The following PHF24 variants were observed in gnomAD, a reference collection of about 807,000 sequenced individuals.
PHF24 encodes PHD finger protein 24, also known as Galpha inhibitory interacting protein.
PHF24 carries 25 observed loss-of-function variants against 42.6 expected under a neutral mutation model. The observed-to-expected ratio is 0.59, with a 90% CI of 0.43 to 0.82. The LOEUF is 0.82. Ranked by LOEUF, PHF24 falls within the 40% of genes least tolerant of loss-of-function variation. The pLI, the probability that PHF24 is intolerant of heterozygous loss-of-function variation, is 0.00. For synonymous variants in PHF24, 185 were observed against 204.8 expected, an observed-to-expected ratio of 0.90 and a Z score of 0.83; for missense variants, 470 against 538.1, an observed-to-expected ratio of 0.87 and a Z score of 1.25.
the PHF24 span, among the ~76,000 whole-genome samples, chr9:34,871,447 C>T: frequency 2.0e-5 from 3 of 152,082 alleles, no homozygotes; most frequent in Admixed American, 1.3e-4. Flanking sequence ...ATTTTAATGA[C>T]GTCCAGCTTA....
the PHF24 span, among the ~76,000 whole-genome samples, chr9:34,697,341 G>A: frequency 4.6e-5 from 7 of 151,930 alleles, no homozygotes; most frequent in South Asian, 1.5e-3. Context: ...TTTTTTTGAG[G>A]TGGAGTCTTG....
chr9:34,948,550 C>A, the PHF24 span, among the ~76,000 whole-genome samples: 1 of 152,036 alleles, frequency 6.6e-6, no homozygotes, highest in African/African-American at 2.4e-5. Flanking sequence ...ACACAAATAC[C>A]ATTGTGCTAC....
chr9:34,741,203 G>A, the PHF24 span, among the ~76,000 whole-genome samples: 1 of 149,656 alleles, frequency 6.7e-6, no homozygotes, highest in Non-Finnish European at 1.5e-5. Context: ...TCTCATTTTT[G>A]TAAAAAAAGT....
At chr9:34,714,484 T>A in the PHF24 span, among the ~76,000 whole-genome samples, 1 of 152,212 alleles carries the variant, frequency 6.6e-6, no homozygotes, top group African/African-American at 2.4e-5. Flanking sequence ...GGTGACTTTT[T>A]AAAAACAGAA....
the PHF24 span, among the ~76,000 whole-genome samples, chr9:34,912,960 A>G: frequency 6.6e-6 from 1 of 152,234 alleles, no homozygotes; most frequent in African/African-American, 2.4e-5. Flanking sequence ...TGAAATAAAT[A>G]GAAATATAGA....
the PHF24 span, chr9:34,723,828 G>C: frequency 2.6e-6 from 4 of 1,551,732 alleles, no homozygotes; most frequent in Non-Finnish European, 3.5e-6. Context: ...CTGTCTTGCA[G>C]GTCCTTCTCA....
At chr9:34,895,431 C>G in the PHF24 span, 1 of 397,084 alleles carries the variant, frequency 2.5e-6, no homozygotes, top group Non-Finnish European at 4.4e-6. Flanking sequence ...AGCTGCCAAC[C>G]AGAATAATCA....
At chr9:34,969,920 A>G (rs1286344150) in intron 1 of PHF24, among the ~76,000 whole-genome samples, 1 of 152,130 alleles carries the variant, frequency 6.6e-6, no homozygotes, top group Non-Finnish European at 1.5e-5. Context: ...GCATCCTTCA[A>G]GGTCCACTTT....
At chr9:34,706,381 C>T in the PHF24 span, among the ~76,000 whole-genome samples, 1 of 152,086 alleles carries the variant, frequency 6.6e-6, no homozygotes. Flanking sequence ...GAGGTATAGG[C>T]AAAGTACTTA....
chr9:34,690,087 G>A, the PHF24 span: 1 of 1,590,936 alleles, frequency 6.3e-7, no homozygotes, highest in Non-Finnish European at 8.6e-7. Flanking sequence ...CCATGTCTGG[G>A]AACCTGTTTC....
At chr9:34,759,770 C>T in the PHF24 span, among the ~76,000 whole-genome samples, 3 of 152,314 alleles carry the variant, frequency 2.0e-5, no homozygotes, top group South Asian at 6.2e-4. Context: ...AGCCACTGCC[C>T]TCCCACCAAA....
chr9:34,675,253 C>T, the PHF24 span, among the ~76,000 whole-genome samples: 2 of 152,036 alleles, frequency 1.3e-5, no homozygotes, highest in African/African-American at 4.8e-5. Context: ...AAAAGGGGCT[C>T]CTGGCCTGGA....
chr9:34,915,269 A>G, the PHF24 span, among the ~76,000 whole-genome samples: 1 of 151,932 alleles, frequency 6.6e-6, no homozygotes, highest in Non-Finnish European at 1.5e-5. Context: ...CATTAAGCAG[A>G]TATCATAGTT....
chr9:34,729,377 G>A, the PHF24 span: 1 of 1,551,648 alleles, frequency 6.4e-7, no homozygotes, highest in Non-Finnish European at 8.7e-7. Flanking sequence ...TGGAGCCATA[G>A]ATGTATAAGG....
the PHF24 span, among the ~76,000 whole-genome samples, chr9:34,718,709 G>C: frequency 1.9e-3 from 292 of 152,342 alleles, no homozygotes; most frequent in African/African-American, 6.7e-3. Context: ...TGTTCATCCT[G>C]TGTGCCTTGC....
the PHF24 span, among the ~76,000 whole-genome samples, chr9:34,686,515 C>T: frequency 6.6e-6 from 1 of 152,146 alleles, no homozygotes; most frequent in Non-Finnish European, 1.5e-5. Context: ...CCTGGCAGAG[C>T]AATGTTAGCA....
At chr9:34,805,021 G>T in the PHF24 span, among the ~76,000 whole-genome samples, 3 of 152,176 alleles carry the variant, frequency 2.0e-5, no homozygotes, top group African/African-American at 7.2e-5. Flanking sequence ...AAGGTTCACT[G>T]TAGCATGTAG....
chr9:34,780,281 C>CT, the PHF24 span, among the ~76,000 whole-genome samples: 10 of 118,288 alleles, frequency 8.5e-5, no homozygotes, highest in East Asian at 2.4e-4. Flanking sequence ...TCTCTTCTTT[C>CT]TTTTTTTTCT....
chr9:34,851,890 T>G, the PHF24 span, among the ~76,000 whole-genome samples: 1 of 152,260 alleles, frequency 6.6e-6, no homozygotes, highest in African/African-American at 2.4e-5. Flanking sequence ...ATATAAATGA[T>G]TTACATACCA....
Sources: allele counts gnomAD v4.1 joint callset (sites outside exome capture counted in the v4.1 genomes callset), GRCh38; gene constraint gnomAD v4.1.1; transcripts MANE v1.5; gene names NCBI Gene and HGNC (gene_info 2026-07-23, HGNC 2026-07-21).